Variants in RGS3 observed in about 807,000 individuals in gnomAD.
The protein encoded by RGS3 is regulator of G protein signaling 3.
Under a neutral mutation model 132.6 loss-of-function variants are expected in RGS3, and 80 were observed. The observed-to-expected ratio is 0.60, with a 90% confidence interval of 0.50 to 0.73. The LOEUF (loss-of-function observed/expected upper bound fraction) is 0.73. Ranked by LOEUF, RGS3 falls within the 30% of genes least tolerant of loss-of-function variation. The pLI, the probability that RGS3 is intolerant of heterozygous loss-of-function variation, is 0.00. For missense variants in RGS3, 1,382 were observed against 1,530.8 expected, an observed-to-expected ratio of 0.90 and a Z score of 1.62; for synonymous variants, 598 against 620.6, an observed-to-expected ratio of 0.96 and a Z score of 0.54.
At chr9:113,522,195 T>C (rs562790099) in intron 16 of RGS3, 4 of 152,392 alleles carry the variant, frequency 2.6e-5, no homozygotes, top group East Asian at 3.9e-4. Flanking sequence ...GTGATGTCCA[T>C]GTCTGTACTA....
In RGS3 at chr9:113,565,065, G is replaced by C. The variant is rs1192248233; in HGVS notation, c.2038-18385G>C. 20 of 1,138,624 alleles carry C rather than the reference G, an allele frequency of 1.8e-5. No homozygotes were observed. Among genetic ancestry groups the C allele is most frequent in the Non-Finnish European group, 2.2e-5 (20 of 915,578 alleles). The allele number at this position is 1,138,624 out of a possible 1,614,324, so 70.5% of individuals were successfully genotyped here. On this transcript the variant is annotated intron_variant, in intron 19 of 24. Coordinates refer to ENST00000350696, the Ensembl canonical transcript of RGS3. This position sits in a 1 kb window ranked among gnomAD's most constrained non-coding sequence, Gnocchi z 5.7. ...AGCCTGCTAGGGATCCCAGTGCCAG[G>C]GGGTGCCGTTGTGAGGGATGGACGC...
intron 17 of RGS3, among the ~76,000 whole-genome samples, chr9:113,523,708 G>T (rs79304198): frequency 6.6e-6 from 1 of 152,168 alleles, no homozygotes; most frequent in East Asian, 1.9e-4. Context: ...TTGGTTTGGC[G>T]CCTGAGGTCT....
intron 19 of RGS3, among the ~76,000 whole-genome samples, chr9:113,549,988 G>C (rs1157423140): frequency 6.6e-6 from 1 of 152,074 alleles, no homozygotes; most frequent in African/African-American, 2.4e-5. Context: ...GTGAGACCCT[G>C]TCTCTGAATG....
At chr9:113,457,269 C>T (rs185651519), upstream of RGS3, among the ~76,000 whole-genome samples, 34 of 152,306 alleles carry the variant, frequency 2.2e-4, no homozygotes, top group African/African-American at 8.2e-4. Context: ...TCCTTCCTCT[C>T]CTATACTTGG....
intron 18 of RGS3, among the ~76,000 whole-genome samples, chr9:113,534,180 A>G (rs1357289892): frequency 6.6e-6 from 1 of 152,194 alleles, no homozygotes; most frequent in East Asian, 1.9e-4. Context: ...ACCCCAGCTC[A>G]AGGCCTGCTT....
rs969343162 is a variant in RGS3 at position 113,483,410 on chromosome 9, G to A, written c.525+293G>A. Reference sequence around the variant, plus strand: ...GGCTGAAATCCACAGGTAATCCCAAGACCTCTTGTGAAAAGCACCGTTTTC... The same window carrying A: ...GGCTGAAATCCACAGGTAATCCCAAAACCTCTTGTGAAAAGCACCGTTTTC... On this transcript the variant is annotated intron_variant, in intron 5 of 24. Coordinates refer to ENST00000350696, the Ensembl canonical transcript of RGS3. 3.3e-5 allele frequency among the ~76,000 whole-genome samples: 5 copies of A among 152,312 alleles called. No individual in the cohort carries two copies. In the East Asian group the frequency reaches 5.8e-4, roughly 18 times the overall value.
At chr9:113,487,507 C>A (rs1183837223) in intron 7 of RGS3, among the ~76,000 whole-genome samples, 2 of 152,162 alleles carry the variant, frequency 1.3e-5, no homozygotes, top group African/African-American at 4.8e-5. Flanking sequence ...TAGGAATTTG[C>A]CTAAGGTCAT....
At chr9:113,526,101 C>G (rs1832191308) in intron 17 of RGS3, among the ~76,000 whole-genome samples, 1 of 152,218 alleles carries the variant, frequency 6.6e-6, no homozygotes, top group Non-Finnish European at 1.5e-5. Flanking sequence ...CTTTGCTACT[C>G]TTTGTGTTGC....
chr9:113,579,725 A>C lies in RGS3; in HGVS notation c.2038-3725A>C, dbSNP rs148816530. Among the ~76,000 whole-genome samples the C allele has an allele frequency of 5.6e-4, 85 of 152,058 alleles. No homozygotes were observed. Among genetic ancestry groups the C allele is most frequent in the African/African-American group, 2.0e-3 (83 of 41,480 alleles). On this transcript the variant is annotated intron_variant, in intron 19 of 24. Coordinates refer to ENST00000350696, the Ensembl canonical transcript of RGS3. This position sits in a 1 kb window ranked among gnomAD's most constrained non-coding sequence, Gnocchi z 4.3. The stretch of plus-strand genomic sequence containing the variant: ...TAGTTGTCTAACCTCTGTTTTTTCT[A>C]CTTAACTGAGGGCAGAGATTGTGTC...
intron 23 of RGS3, 102 bp downstream of exon 21, chr9:113,595,082 C>A: frequency 8.9e-7 from 1 of 1,124,176 alleles, no homozygotes. Flanking sequence ...CGCCTTCCCT[C>A]TCCTCGGCCG....
chr9:113,565,690 G>A lies in RGS3; in HGVS notation c.2038-17760G>A, dbSNP rs150556267. The A allele has an allele frequency of 0.015, 4,011 of 275,774 alleles. 38 individuals are homozygous for A. Among genetic ancestry groups the A allele is most frequent in the Non-Finnish European group, 0.022 (3,036 of 137,910 alleles). 17.1% of individuals were successfully genotyped at this position (275,774 alleles called of 1,614,324 possible). ...CCTGGGCGGGCGAGCTGGCAGGAGC[G>A]GCAGCCAGGAGTCGCCTGGGTCCCT... On this transcript the variant is annotated intron_variant, in intron 19 of 24. Transcript: ENST00000350696. This position sits in a 1 kb window ranked among gnomAD's most constrained non-coding sequence, Gnocchi z 5.7.
chr9:113,541,828 G>T, intron 19 of RGS3: 1 of 991,658 alleles, frequency 1.0e-6, no homozygotes, highest in Non-Finnish European at 1.2e-6. Flanking sequence ...GGACATCTCC[G>T]CCCATCCACT....
chr9:113,514,903 C>T (rs1194541246), intron 15 of RGS3, among the ~76,000 whole-genome samples: 1 of 152,146 alleles, frequency 6.6e-6, no homozygotes, highest in Non-Finnish European at 1.5e-5. Flanking sequence ...TCCCCCACCT[C>T]GCCTCCCCTT....
At chr9:113,596,329 A>C (rs1835775417) in intron 24 of RGS3, among the ~76,000 whole-genome samples, 1 of 152,232 alleles carries the variant, frequency 6.6e-6, no homozygotes. Context: ...GACAAATCAT[A>C]ATTGCTCCCA....
intron 19 of RGS3, among the ~76,000 whole-genome samples, chr9:113,545,530 G>A (rs1338157118): frequency 2.0e-5 from 3 of 152,074 alleles, no homozygotes; most frequent in Non-Finnish European, 4.4e-5. Context: ...TGCCTTCTTC[G>A]CTGTCTTGCT....
rs1371649106 is a variant in RGS3 at position 113,479,687 on chromosome 9, A to G, written c.466+146A>G. On this transcript the variant is annotated intron_variant, in intron 4 of 24. Transcript: ENST00000350696. Reference sequence around the variant, plus strand: ...AAGGATGTGTCCATTGATAAAAGCCAGTATTCACCTGGGGCTCTTTCTATA... The same window carrying G: ...AAGGATGTGTCCATTGATAAAAGCCGGTATTCACCTGGGGCTCTTTCTATA... 9 of 740,724 alleles carry G rather than the reference A, an allele frequency of 1.2e-5. No individual in the cohort carries two copies. The African/African-American group carries it at 1.4e-4, about 12-fold the overall frequency. 45.9% of individuals were successfully genotyped at this position (740,724 alleles called of 1,614,324 possible).
rs147982235 is a variant in RGS3 at position 113,488,743 on chromosome 9, C to T, written c.689+3050C>T. ...CAAACTCACGGTCACAGTCCCAGCCCGAAGCTCAGGAGGATCAGGGCCTTG... is the reference window on the plus strand; with the variant it reads ...CAAACTCACGGTCACAGTCCCAGCCTGAAGCTCAGGAGGATCAGGGCCTTG... On this transcript the variant is annotated intron_variant, in intron 7 of 24. Transcript: ENST00000350696. Among the ~76,000 whole-genome samples, 393 of 152,344 alleles carry T rather than the reference C, an allele frequency of 2.6e-3. 2 individuals carry two copies. The highest frequency in any genetic ancestry group is 5.1e-3 in the Non-Finnish European group (344 of 68,030).
chr9:113,558,406 G>A (rs1486835767), intron 19 of RGS3, among the ~76,000 whole-genome samples: 1 of 152,176 alleles, frequency 6.6e-6, no homozygotes, highest in African/African-American at 2.4e-5. Context: ...GGGAGGTTGA[G>A]GCAGGAGAAT....
intron 7 of RGS3, among the ~76,000 whole-genome samples, chr9:113,489,372 A>C (rs930632600): frequency 3.9e-5 from 6 of 152,242 alleles, no homozygotes; most frequent in Non-Finnish European, 5.9e-5. Flanking sequence ...ATGTAAATGC[A>C]GGCAAGCTGA....
Sources: gnomAD v4.1 joint callset for allele counts (sites outside exome capture counted in the v4.1 genomes callset) on GRCh38, gnomAD v4.1.1 for gene constraint, Gnocchi (gnomAD v3.1) non-coding constraint, MANE v1.5 for transcripts, NCBI Gene and HGNC (gene_info 2026-07-23, HGNC 2026-07-21) for gene names.